The following KANSL1 variants were observed in gnomAD, a reference collection of about 807,000 sequenced individuals.
KANSL1 encodes the protein MLL1/MLL complex subunit KANSL1.
KANSL1 carries 22 observed loss-of-function variants against 103.6 expected under a neutral mutation model. That is an observed-to-expected ratio of 0.21 (90% confidence interval 0.15 to 0.30). The LOEUF (loss-of-function observed/expected upper bound fraction) is 0.30, where lower values mean the gene tolerates loss of function less well. KANSL1 is among the 10% of genes least tolerant of loss of function. The probability of loss-of-function intolerance (pLI) is 1.00; values close to 1 mark genes in which losing one functional copy is unlikely to be tolerated. For missense variants in KANSL1, 1,337 were observed against 1,399.8 expected (o/e 0.96, Z 0.72); for synonymous variants, 600 against 527.6 (o/e 1.14, Z -1.88).
At chr17:46,042,493 C>T (rs1265999977) in intron 7 of KANSL1, 1 of 152,102 alleles carries the variant, frequency 6.6e-6, no homozygotes, top group Non-Finnish European at 1.5e-5. Flanking sequence ...GAGTAACAAC[C>T]AACTTTCAAA....
At chr17:46,114,930 T>A (rs1197554732) in intron 2 of KANSL1, among the ~76,000 whole-genome samples, 1 of 152,212 alleles carries the variant, frequency 6.6e-6, no homozygotes, top group Non-Finnish European at 1.5e-5. Flanking sequence ...TAACAGTTTC[T>A]CCTTTTGATT....
At chr17:46,134,146 C>T (rs1199098620) in intron 2 of KANSL1, among the ~76,000 whole-genome samples, 1 of 152,184 alleles carries the variant, frequency 6.6e-6, no homozygotes, top group Non-Finnish European at 1.5e-5. Flanking sequence ...GCCTGTACTC[C>T]CAGCACTTTG....
In KANSL1 at chr17:46,171,660, T is replaced by C. The variant is rs2046299121; in HGVS notation, c.484A>G (p.Thr162Ala). Reference protein sequence around the residue: ...APVNGLAKKLTKSSTHSDHDN... With the variant: ...APVNGLAKKLAKSSTHSDHDN... ...TGATCAGAATGTGTTGAACTTTTAG[T>C]CAATTTCTTAGCCAACCCATTTACA... is the stretch of plus-strand genomic sequence containing the variant. Residue 162 changes from threonine (T) to alanine (A), a missense_variant, in exon 2 of 15, where the codon ACT (threonine) becomes GCT (alanine). Thr to Ala is a moderately conservative substitution (Grantham distance 58). This residue lies in a region of KANSL1 where 557 missense variants were observed against 476.4 expected (regional missense o/e 1.17). Transcript: ENST00000432791. The C allele has an allele frequency of 6.4e-7, 1 of 1,552,684 alleles. No homozygotes were observed. Among genetic ancestry groups the C allele is most frequent in the Non-Finnish European group, 8.7e-7 (1 of 1,154,052 alleles).
intron 10 of KANSL1, chr17:46,037,650 C>G (rs1429391340): frequency 6.6e-6 from 1 of 152,220 alleles, no homozygotes; most frequent in Admixed American, 6.5e-5. Context: ...TCCACAGTAC[C>G]AACCTACATC....
At chr17:46,196,645 A>G (rs1487165195), upstream of KANSL1, 3 of 314,918 alleles carry the variant, frequency 9.5e-6, no homozygotes, top group Middle Eastern at 5.4e-4. Flanking sequence ...CATTACAACA[A>G]TGTAACAATA....
intron 9 of KANSL1, 100 bp from the exon 10 acceptor site, chr17:46,038,786 A>C (rs574135716): frequency 3.4e-6 from 5 of 1,458,860 alleles, no homozygotes; most frequent in Non-Finnish European, 4.7e-6. Context: ...TAAAGGCAAA[A>C]ATGTTTTCTA....
intron 2 of KANSL1, among the ~76,000 whole-genome samples, chr17:46,138,837 G>C (rs1247370128): frequency 6.6e-6 from 1 of 152,152 alleles, no homozygotes; most frequent in African/African-American, 2.4e-5. Flanking sequence ...ATCAACATAG[G>C]TACAGTTCAC....
intron 2 of KANSL1, among the ~76,000 whole-genome samples, chr17:46,150,097 C>T (rs1597806821): frequency 6.6e-6 from 1 of 150,792 alleles, no homozygotes; most frequent in East Asian, 1.9e-4. Flanking sequence ...CTTAACATTC[C>T]TTGGCCTGAT....
intron 2 of KANSL1, among the ~76,000 whole-genome samples, chr17:46,114,834 A>G (rs1222407892): frequency 1.3e-5 from 2 of 152,250 alleles, no homozygotes; most frequent in Non-Finnish European, 2.9e-5. Context: ...AGTGTATAAC[A>G]GAAATGTTCA....
At chr17:46,144,954 A>T (rs922062871) in intron 2 of KANSL1, among the ~76,000 whole-genome samples, 4 of 152,370 alleles carry the variant, frequency 2.6e-5, no homozygotes, top group African/African-American at 9.6e-5. Flanking sequence ...ATTAATTTTT[A>T]AAAGTTCACC....
intron 2 of KANSL1, among the ~76,000 whole-genome samples, chr17:46,111,315 T>TC (rs2042794232): frequency 6.6e-6 from 1 of 152,166 alleles, no homozygotes; most frequent in African/African-American, 2.4e-5. Flanking sequence ...GGCAAGCCAT[T>TC]CTCCTGCCTC....
chr17:46,083,212 C>T (rs984251936), intron 3 of KANSL1, among the ~76,000 whole-genome samples: 49 of 152,042 alleles, frequency 3.2e-4, no homozygotes, highest in African/African-American at 1.0e-3. Context: ...ATATAATGAG[C>T]CAGGATGGGT....
At chr17:46,224,168 G>C (rs906785206), upstream of KANSL1, among the ~76,000 whole-genome samples, 9 of 152,200 alleles carry the variant, frequency 5.9e-5, no homozygotes, top group African/African-American at 2.2e-4. Context: ...ATTATATTTA[G>C]TAAAGTAAAA....
intron 10 of KANSL1, chr17:46,037,331 T>A (rs1347567820): frequency 6.6e-6 from 1 of 152,244 alleles, no homozygotes; most frequent in Non-Finnish European, 1.5e-5. Flanking sequence ...ATTTGTGGGT[T>A]ACGGGGGTAA....
intron 1 of KANSL1, among the ~76,000 whole-genome samples, chr17:46,175,539 G>A (rs984808719): frequency 6.6e-6 from 1 of 152,094 alleles, no homozygotes; most frequent in African/African-American, 2.4e-5. Flanking sequence ...TAATGGAGAT[G>A]GAGTTTCACC....
At chr17:46,148,172 T>C (rs1161290167) in intron 2 of KANSL1, 2 of 152,246 alleles carry the variant, frequency 1.3e-5, no homozygotes, top group Non-Finnish European at 2.9e-5. Flanking sequence ...CTTCTGACAT[T>C]AGCAAATAGT....
intron 7 of KANSL1, among the ~76,000 whole-genome samples, chr17:46,048,046 G>A (rs891680781): frequency 2.6e-5 from 4 of 151,830 alleles, no homozygotes; most frequent in East Asian, 2.0e-4. Context: ...TAGCTGGGAC[G>A]ACAGGCGTGT....
chr17:46,140,409 G>A (rs532241888), intron 2 of KANSL1, among the ~76,000 whole-genome samples: 6 of 151,966 alleles, frequency 3.9e-5, no homozygotes, highest in African/African-American at 9.7e-5. Flanking sequence ...ACTTAAAGTC[G>A]ATCAAAGCCC....
At chr17:46,105,949 C>CCACACACACA (rs2042543858) in intron 2 of KANSL1, among the ~76,000 whole-genome samples, 1 of 49,240 alleles carries the variant, frequency 2.0e-5, no homozygotes, top group African/African-American at 6.5e-5. Flanking sequence ...ACACACACAC[C>CCACACACACA]CCCCCAGAAG....
Sources: gnomAD v4.1 joint callset for allele counts (sites outside exome capture counted in the v4.1 genomes callset) on GRCh38, gnomAD v4.1.1 for gene constraint, gnomAD v4.1.1 regional missense constraint, MANE v1.5 for transcripts, NCBI Gene and HGNC (gene_info 2026-07-23, HGNC 2026-07-21) for gene names.